The following PDSS2 variants were observed in gnomAD, a reference collection of about 807,000 sequenced individuals.
The protein encoded by PDSS2 is all trans-polyprenyl-diphosphate synthase PDSS2.
A neutral mutation model predicts 44.5 loss-of-function variants in PDSS2; 31 were observed. That is an observed-to-expected ratio of 0.70 (90% CI 0.52 to 0.94). The LOEUF is 0.94. PDSS2 is among the 40% of genes least tolerant of loss of function. The pLI, the probability that PDSS2 is intolerant of heterozygous loss-of-function variation, is 0.00. For synonymous variants in PDSS2, 157 were observed against 180.3 expected (o/e 0.87, Z 1.03); for missense variants, 452 against 482.2 (o/e 0.94, Z 0.59).
intron 2 of PDSS2, among the ~76,000 whole-genome samples, chr6:107,299,524 A>C (rs1295831958): frequency 1.3e-5 from 2 of 152,266 alleles, no homozygotes; most frequent in African/African-American, 4.8e-5. Flanking sequence ...AGAATTGTAG[A>C]TCCCCATGGC....
intron 2 of PDSS2, among the ~76,000 whole-genome samples, chr6:107,279,106 G>C (rs1775880907): frequency 6.6e-6 from 1 of 152,060 alleles, no homozygotes; most frequent in Non-Finnish European, 1.5e-5. Flanking sequence ...TGTAATCCCA[G>C]CTATTTGGAG....
chr6:107,363,979 G>A (rs1778872226), intron 1 of PDSS2, among the ~76,000 whole-genome samples: 1 of 151,212 alleles, frequency 6.6e-6, no homozygotes, highest in African/African-American at 2.4e-5. Context: ...GATACAGAGT[G>A]CCGATTGGTG....
intron 7 of PDSS2, among the ~76,000 whole-genome samples, chr6:107,181,566 AAAT>A (rs1419982119): frequency 6.7e-6 from 1 of 149,904 alleles, no homozygotes; most frequent in Non-Finnish European, 1.5e-5. Context: ...AAAGAAAAAG[AAAT>A]AAGAAAAAAA....
chr6:107,310,150 T>G (rs1355430423), intron 2 of PDSS2, among the ~76,000 whole-genome samples: 1 of 151,942 alleles, frequency 6.6e-6, no homozygotes, highest in African/African-American at 2.4e-5. Context: ...CTGGGTGTGG[T>G]GGCAGGCGCC....
At chr6:107,363,776 G>A (rs1582993112) in intron 1 of PDSS2, among the ~76,000 whole-genome samples, 1 of 152,284 alleles carries the variant, frequency 6.6e-6, no homozygotes, top group Non-Finnish European at 1.5e-5. Context: ...GCGCTGATTG[G>A]TGCGTTTACA....
intron 1 of PDSS2, among the ~76,000 whole-genome samples, chr6:107,401,004 GC>G (rs1176763731): frequency 6.6e-6 from 1 of 152,194 alleles, no homozygotes; most frequent in Admixed American, 6.5e-5. Context: ...CCATAGCCCA[GC>G]CCGTTGCATG....
intron 1 of PDSS2, among the ~76,000 whole-genome samples, chr6:107,363,899 C>T (rs910067202): frequency 3.9e-5 from 6 of 152,082 alleles, no homozygotes; most frequent in African/African-American, 7.2e-5. Context: ...TACACAGTGT[C>T]GATTGGTGCA....
intron 1 of PDSS2, among the ~76,000 whole-genome samples, chr6:107,448,871 C>T (rs529796487): frequency 1.4e-3 from 216 of 152,300 alleles, no homozygotes; most frequent in Non-Finnish European, 2.6e-3. Context: ...GAATGAGTGC[C>T]AGCAGGGGAA....
At chr6:107,205,131 G>A (rs904213211) in intron 6 of PDSS2, among the ~76,000 whole-genome samples, 1 of 152,152 alleles carries the variant, frequency 6.6e-6, no homozygotes. Context: ...TTATTTTCAC[G>A]CACACCAGTC....
intron 1 of PDSS2, among the ~76,000 whole-genome samples, chr6:107,405,879 T>C (rs950264043): frequency 6.9e-6 from 1 of 144,050 alleles, no homozygotes; most frequent in African/African-American, 2.5e-5. Context: ...TACAGAATGG[T>C]GGAATAGATA....
At chr6:107,419,757 G>C (rs1423568175) in intron 1 of PDSS2, among the ~76,000 whole-genome samples, 2 of 152,270 alleles carry the variant, frequency 1.3e-5, no homozygotes, top group South Asian at 4.1e-4. Context: ...TTTCAAATGT[G>C]AGATTCTAAG....
At chr6:107,421,982 G>C (rs1241428378) in intron 1 of PDSS2, among the ~76,000 whole-genome samples, 1 of 150,822 alleles carries the variant, frequency 6.6e-6, no homozygotes, top group East Asian at 2.0e-4. Context: ...ATGGCTAAAA[G>C]GACCTCTCTG....
At chr6:107,310,201 C>G (rs1217760334) in intron 2 of PDSS2, among the ~76,000 whole-genome samples, 1 of 148,600 alleles carries the variant, frequency 6.7e-6, no homozygotes, top group Non-Finnish European at 1.5e-5. Flanking sequence ...AGGAGAATCA[C>G]TTGAACCTGG....
intron 7 of PDSS2, among the ~76,000 whole-genome samples, chr6:107,162,953 T>C (rs1333222722): frequency 6.6e-6 from 1 of 152,222 alleles, no homozygotes; most frequent in Non-Finnish European, 1.5e-5. Flanking sequence ...AGTCCAGGTG[T>C]AAATTTCTCC....
At chr6:107,205,076 G>C (rs555570874) in intron 6 of PDSS2, among the ~76,000 whole-genome samples, 33 of 152,144 alleles carry the variant, frequency 2.2e-4, no homozygotes, top group Non-Finnish European at 4.3e-4. Context: ...TATTAATGAG[G>C]AATCTGCATG....
At chr6:107,456,850 AT>A (rs1262935593) in intron 1 of PDSS2, among the ~76,000 whole-genome samples, 3 of 152,322 alleles carry the variant, frequency 2.0e-5, no homozygotes, top group South Asian at 2.1e-4. Context: ...ACCCCTGGTA[AT>A]TTTGAAAAGG....
intron 1 of PDSS2, among the ~76,000 whole-genome samples, chr6:107,424,537 A>C (rs533731637): frequency 2.6e-5 from 4 of 152,192 alleles, no homozygotes; most frequent in Admixed American, 2.0e-4. Flanking sequence ...TTTTTTTTCA[A>C]CACTTAGCTA....
At chr6:107,181,750 C>G (rs1771991945) in intron 7 of PDSS2, among the ~76,000 whole-genome samples, 1 of 151,274 alleles carries the variant, frequency 6.6e-6, no homozygotes, top group Admixed American at 6.6e-5. Context: ...ATTAGCCAGG[C>G]ATGGTGGTGC....
chr6:107,299,847 A>G (rs1029848600), intron 2 of PDSS2, among the ~76,000 whole-genome samples: 9 of 152,260 alleles, frequency 5.9e-5, no homozygotes, highest in African/African-American at 2.2e-4. Flanking sequence ...TGTCTGTTGG[A>G]CCTTACTTCA....
Sources: gnomAD v4.1 joint callset for allele counts (sites outside exome capture counted in the v4.1 genomes callset) on GRCh38, gnomAD v4.1.1 for gene constraint, MANE v1.5 for transcripts, NCBI Gene and HGNC (gene_info 2026-07-23, HGNC 2026-07-21) for gene names.